GPC5: variants seen among roughly 807,000 people sequenced by gnomAD.
GPC5 encodes the protein glypican-5.
A neutral mutation model predicts 53.9 loss-of-function variants in GPC5; 47 were observed. That is an observed-to-expected ratio of 0.87 (90% CI 0.69 to 1.11). The LOEUF is 1.11. GPC5 is among the 50% of genes most tolerant of loss of function. The probability of loss-of-function intolerance (pLI) is 0.00; values close to 1 mark genes in which losing one functional copy is unlikely to be tolerated. For missense variants in GPC5, 748 were observed against 713.1 expected, an observed-to-expected ratio of 1.05 and a Z score of -0.56; for synonymous variants, 286 against 263.3, an observed-to-expected ratio of 1.09 and a Z score of -0.84.
At chr13:92,479,235 C>T (rs1373227095) in intron 7 of GPC5, among the ~76,000 whole-genome samples, 1 of 152,100 alleles carries the variant, frequency 6.6e-6, no homozygotes, top group Non-Finnish European at 1.5e-5. Context: ...GGAAAGGGCC[C>T]AGGGACATAC....
chr13:92,851,010 A>C (rs1476483683), intron 7 of GPC5, among the ~76,000 whole-genome samples: 1 of 152,184 alleles, frequency 6.6e-6, no homozygotes, highest in African/African-American at 2.4e-5. Flanking sequence ...AGCCCTGGGG[A>C]GGCCTCAGGA....
At chr13:91,898,830 A>T (rs912208471) in intron 5 of GPC5, among the ~76,000 whole-genome samples, 1 of 152,118 alleles carries the variant, frequency 6.6e-6, no homozygotes, top group South Asian at 2.1e-4. Context: ...AAGAGAACTG[A>T]TTGCTAAGAA....
chr13:91,889,505 C>A (rs1297421379), intron 5 of GPC5, among the ~76,000 whole-genome samples: 2 of 151,478 alleles, frequency 1.3e-5, no homozygotes, highest in African/African-American at 4.9e-5. Context: ...GACTCCATTA[C>A]AAAGTATCAT....
chr13:92,484,746 T>C (rs551529006), intron 7 of GPC5: 31 of 152,268 alleles, frequency 2.0e-4, no homozygotes, highest in African/African-American at 7.0e-4. Flanking sequence ...TTTTTTATTT[T>C]TTTTTTGAGA....
At chr13:92,810,891 T>C (rs1877272745) in intron 7 of GPC5, among the ~76,000 whole-genome samples, 1 of 151,858 alleles carries the variant, frequency 6.6e-6, no homozygotes, top group Admixed American at 6.6e-5. Context: ...CAGCTAATTT[T>C]TTGTATTTTT....
chr13:92,740,720 A>C (rs1028185315), intron 7 of GPC5, among the ~76,000 whole-genome samples: 3 of 151,904 alleles, frequency 2.0e-5, no homozygotes, highest in African/African-American at 7.2e-5. Flanking sequence ...GGGAATTTCA[A>C]GCACATAATA....
chr13:92,808,149 C>T (rs943126912), intron 7 of GPC5, among the ~76,000 whole-genome samples: 5 of 139,536 alleles, frequency 3.6e-5, no homozygotes, highest in Non-Finnish European at 7.7e-5. Context: ...GAAAAATAAA[C>T]AAAACATTTC....
At chr13:91,731,433 T>C (rs547204291) in intron 4 of GPC5, among the ~76,000 whole-genome samples, 1 of 152,352 alleles carries the variant, frequency 6.6e-6, no homozygotes, top group East Asian at 1.9e-4. Context: ...ATTTTTGTTT[T>C]AGTATTTTTG....
intron 7 of GPC5, among the ~76,000 whole-genome samples, chr13:92,560,433 T>C (rs1882656180): frequency 6.6e-6 from 1 of 152,022 alleles, no homozygotes; most frequent in African/African-American, 2.4e-5. Context: ...TTCTGCTTTT[T>C]AACAAGCAGA....
intron 7 of GPC5, among the ~76,000 whole-genome samples, chr13:92,510,559 C>T (rs1247268099): frequency 6.6e-6 from 1 of 152,158 alleles, no homozygotes; most frequent in African/African-American, 2.4e-5. Context: ...ATTGTATATA[C>T]AATTGACATA....
intron 7 of GPC5, among the ~76,000 whole-genome samples, chr13:92,721,954 G>A (rs1037122832): frequency 3.9e-5 from 6 of 151,934 alleles, no homozygotes; most frequent in African/African-American, 1.4e-4. Context: ...ACACAGATGG[G>A]CACCTAGCTG....
intron 2 of GPC5, among the ~76,000 whole-genome samples, chr13:91,472,845 C>T (rs753830232): frequency 5.3e-5 from 8 of 152,032 alleles, no homozygotes; most frequent in South Asian, 4.1e-4. Context: ...TGAATTCAAC[C>T]GAGTGAACTT....
At chr13:92,762,087 G>T (rs949525136) in intron 7 of GPC5, among the ~76,000 whole-genome samples, 2 of 151,754 alleles carry the variant, frequency 1.3e-5, no homozygotes, top group African/African-American at 4.8e-5. Context: ...ACACATGGAA[G>T]TATAAAAGTT....
intron 5 of GPC5, among the ~76,000 whole-genome samples, chr13:91,786,592 C>T (rs72644032): frequency 0.097 from 14,717 of 151,944 alleles, 956 homozygotes; most frequent in Non-Finnish European, 0.14. Context: ...GTGTATGTGT[C>T]GTGTTTTTCA....
intron 2 of GPC5, among the ~76,000 whole-genome samples, chr13:91,460,584 G>A (rs1391731919): frequency 6.6e-6 from 1 of 152,086 alleles, no homozygotes; most frequent in Non-Finnish European, 1.5e-5. Flanking sequence ...TTACAGGCAT[G>A]AGCCACCATG....
intron 2 of GPC5, among the ~76,000 whole-genome samples, chr13:91,665,166 TG>T (rs1464357239): frequency 1.3e-5 from 2 of 152,228 alleles, no homozygotes; most frequent in African/African-American, 2.4e-5. Flanking sequence ...GCATAACATT[TG>T]GGATGAATTA....
At chr13:91,786,989 T>C (rs2037890166) in intron 5 of GPC5, among the ~76,000 whole-genome samples, 3 of 151,946 alleles carry the variant, frequency 2.0e-5, no homozygotes, top group African/African-American at 7.2e-5. Context: ...CAATTACTTT[T>C]ATTTTGATTT....
At chr13:92,501,925 T>C (rs1252915498) in intron 7 of GPC5, among the ~76,000 whole-genome samples, 1 of 152,128 alleles carries the variant, frequency 6.6e-6, no homozygotes, top group Non-Finnish European at 1.5e-5. Context: ...AATCTGTTGC[T>C]GTCAGAATTG....
intron 7 of GPC5, among the ~76,000 whole-genome samples, chr13:92,571,207 A>G (rs892980504): frequency 9.9e-5 from 15 of 152,108 alleles, no homozygotes; most frequent in Admixed American, 6.6e-5. Flanking sequence ...GAATAATTAG[A>G]CTCATATCTC....
Sources: gnomAD v4.1 joint callset for allele counts (sites outside exome capture counted in the v4.1 genomes callset) on GRCh38, gnomAD v4.1.1 for gene constraint, MANE v1.5 for transcripts, NCBI Gene and HGNC (gene_info 2026-07-23, HGNC 2026-07-21) for gene names.